ZNF385D: variants seen among roughly 807,000 people sequenced by gnomAD.
ZNF385D encodes the protein zinc finger protein 659.
Under a neutral mutation model 35.8 loss-of-function variants are expected in ZNF385D, and 15 were observed. That is an observed-to-expected ratio of 0.42 (90% confidence interval 0.28 to 0.64). The LOEUF (loss-of-function observed/expected upper bound fraction) is 0.64, where lower values mean the gene tolerates loss of function less well. ZNF385D is among the 30% of genes least tolerant of loss of function. ZNF385D has a pLI of 0.23. For synonymous variants in ZNF385D, 212 were observed against 186.8 expected, an observed-to-expected ratio of 1.13 and a Z score of -1.10; for missense variants, 474 against 494.6, an observed-to-expected ratio of 0.96 and a Z score of 0.39.
At chr3:21,710,309 A>T (rs1378427370) in intron 1 of ZNF385D, among the ~76,000 whole-genome samples, 1 of 152,276 alleles carries the variant, frequency 6.6e-6, no homozygotes, top group African/African-American at 2.4e-5. Flanking sequence ...AAATAGATAG[A>T]TACTTGCTTT....
chr3:22,129,640 T>A (rs139137974), intron 3 of ZNF385D, among the ~76,000 whole-genome samples: 205 of 152,178 alleles, frequency 1.3e-3, no homozygotes, highest in Non-Finnish European at 2.4e-3. Flanking sequence ...AGCCTGGATA[T>A]CACTGGTGTT....
At position 22,048,962 on chromosome 3, in the gene ZNF385D, G is replaced by C. The variant is rs149976323; in HGVS notation, c.325+119855C>G. 4.5e-3 allele frequency among the ~76,000 whole-genome samples: 687 copies of C among 152,048 alleles called. 7 individuals carry two copies. Among genetic ancestry groups the C allele is most frequent in the South Asian group, 0.012 (60 of 4,818 alleles). On this transcript the variant is annotated intron_variant, in intron 3 of 5. Coordinates refer to the ZNF385D transcript ENST00000494108. ...TTTTTAGTCTACAGACTATTTTCTT[G>C]ACTTTTTCTTTGTTGGATAGTTCAT...
chr3:21,925,344 T>A (rs1339773746), intron 3 of ZNF385D, among the ~76,000 whole-genome samples: 1 of 152,098 alleles, frequency 6.6e-6, no homozygotes, highest in Non-Finnish European at 1.5e-5. Context: ...CACACAAACA[T>A]GCCTAACCAA....
At chr3:21,651,752 A>T (rs1207810843) in intron 2 of ZNF385D, among the ~76,000 whole-genome samples, 1 of 152,168 alleles carries the variant, frequency 6.6e-6, no homozygotes, top group Non-Finnish European at 1.5e-5. Context: ...TCTTCCTAAT[A>T]CTCAGAGCCC....
At chr3:22,064,681 G>C (rs11717247) in intron 3 of ZNF385D, among the ~76,000 whole-genome samples, 98,390 of 152,050 alleles carry the variant, frequency 0.65, 32,437 homozygotes, top group African/African-American at 0.76. Flanking sequence ...TGAAATAAGC[G>C]AGACACAGAA....
intron 4 of ZNF385D, among the ~76,000 whole-genome samples, chr3:21,479,485 G>T (rs1423031638): frequency 6.6e-6 from 1 of 152,026 alleles, no homozygotes; most frequent in Non-Finnish European, 1.5e-5. Flanking sequence ...CTAAAGAGTA[G>T]ATTTCTTTAA....
rs2072062333 is a variant in ZNF385D at position 21,794,451 on chromosome 3, A to C, written c.326-129423T>G. Among the ~76,000 whole-genome samples, 3 of 152,262 alleles carry C rather than the reference A, an allele frequency of 2.0e-5. No homozygotes were observed. The South Asian group carries it at 6.2e-4, about 32-fold the overall frequency. On this transcript the variant is annotated intron_variant, in intron 3 of 5. Coordinates refer to the ZNF385D transcript ENST00000494108. ...TTTCTGAAACTGTTTAGGTTGCTAC[A>C]ACAAAACACCATAGACTGGGTAGCT...
intron 4 of ZNF385D, among the ~76,000 whole-genome samples, chr3:21,468,423 A>AAC (rs1254696159): frequency 6.7e-6 from 1 of 149,882 alleles, no homozygotes; most frequent in Non-Finnish European, 1.5e-5. Flanking sequence ...AAAAAAAAAA[A>AAC]AGTATATGCA....
chr3:22,325,665 A>C (rs1305729607), intron 2 of ZNF385D, among the ~76,000 whole-genome samples: 1 of 152,112 alleles, frequency 6.6e-6, no homozygotes, highest in Non-Finnish European at 1.5e-5. Flanking sequence ...AGGCTGAGGC[A>C]GGAGAATTGG....
intron 3 of ZNF385D, among the ~76,000 whole-genome samples, chr3:22,157,790 G>A (rs941661238): frequency 3.9e-5 from 6 of 152,052 alleles, no homozygotes; most frequent in African/African-American, 1.4e-4. Context: ...AATTGGAAAC[G>A]AGTAGAAAAT....
intron 2 of ZNF385D, among the ~76,000 whole-genome samples, chr3:22,354,981 G>C (rs1160944512): frequency 6.6e-6 from 1 of 151,978 alleles, no homozygotes; most frequent in East Asian, 1.9e-4. Context: ...AAGTTCTACT[G>C]AACAACATTG....
chr3:22,100,406 C>T (rs937454935), intron 3 of ZNF385D, among the ~76,000 whole-genome samples: 24 of 149,760 alleles, frequency 1.6e-4, no homozygotes, highest in African/African-American at 6.0e-4. Flanking sequence ...CGGCAGTATT[C>T]ACAATAGCAA....
rs151250220 is a variant in ZNF385D, at chr3:21,845,510, TTC to T, written c.326-180484_326-180483del. On this transcript the variant is annotated intron_variant, in intron 3 of 5. Transcript: ENST00000494108. ...AGATATTTCTAAGTAAAAATAAATT[TTC>T]TCTGTGTTATATTTTAGAAAGATAA... Among the ~76,000 whole-genome samples, 1,029 of 152,102 alleles carry T rather than the reference TTC, an allele frequency of 6.8e-3. 6 individuals are homozygous for T. The highest frequency in any genetic ancestry group is 0.023 in the African/African-American group (947 of 41,530).
intron 3 of ZNF385D, among the ~76,000 whole-genome samples, chr3:21,524,987 G>C (rs907928178): frequency 1.3e-5 from 2 of 152,100 alleles, no homozygotes; most frequent in African/African-American, 2.4e-5. Context: ...AAATATAGGG[G>C]AGAAAACCAC....
At chr3:21,513,006 G>A (rs960161426) in intron 3 of ZNF385D, among the ~76,000 whole-genome samples, 1 of 151,952 alleles carries the variant, frequency 6.6e-6, no homozygotes, top group African/African-American at 2.4e-5. Flanking sequence ...TTAAAAGATG[G>A]GGGGTGAGAT....
At chr3:22,117,405 G>T (rs961365843) in intron 3 of ZNF385D, among the ~76,000 whole-genome samples, 2 of 151,978 alleles carry the variant, frequency 1.3e-5, no homozygotes, top group African/African-American at 2.4e-5. Flanking sequence ...CTAAATTATG[G>T]GGAATGGTTA....
At chr3:21,694,097 A>C in intron 1 of ZNF385D, among the ~76,000 whole-genome samples, 1 of 103,366 alleles carries the variant, frequency 9.7e-6, no homozygotes, top group Non-Finnish European at 1.9e-5. Context: ...AGGCCGGAGT[A>C]CAGTGGCGCG....
chr3:21,625,434 A>G (rs10780010), intron 2 of ZNF385D, among the ~76,000 whole-genome samples: 47,690 of 151,988 alleles, frequency 0.31, 8,291 homozygotes, highest in East Asian at 0.56. Flanking sequence ...TCATTCACAC[A>G]ATCTTTGTCT....
intron 3 of ZNF385D, among the ~76,000 whole-genome samples, chr3:22,036,504 C>T (rs754417817): frequency 4.0e-5 from 6 of 151,484 alleles, no homozygotes; most frequent in Non-Finnish European, 7.4e-5. Context: ...AAATACTTAA[C>T]TGAGAAAGGA....
Sources: gnomAD v4.1 joint callset for allele counts (sites outside exome capture counted in the v4.1 genomes callset) on GRCh38, gnomAD v4.1.1 for gene constraint, MANE v1.5 for transcripts, NCBI Gene and HGNC (gene_info 2026-07-23, HGNC 2026-07-21) for gene names.